The following RGS6 variants were observed in gnomAD, a reference collection of about 807,000 sequenced individuals.
RGS6 encodes the protein regulator of G protein signaling 6, also known as regulator of G-protein signaling 6.
Under a neutral mutation model 78.5 loss-of-function variants are expected in RGS6, and 30 were observed. That is an observed-to-expected ratio of 0.38 (90% confidence interval 0.29 to 0.52). The LOEUF (loss-of-function observed/expected upper bound fraction) is 0.52, where lower values mean the gene tolerates loss of function less well. Among genes scored for constraint, RGS6 ranks in the 20% least tolerant of loss-of-function variants. The pLI, the probability that RGS6 is intolerant of heterozygous loss-of-function variation, is 0.85. For synonymous variants in RGS6, 206 were observed against 206.0 expected, an observed-to-expected ratio of 1.00 and a Z score of 0.00; for missense variants, 495 against 609.7, an observed-to-expected ratio of 0.81 and a Z score of 1.98.
In RGS6 at chr14:71,953,908, G is replaced by A. The variant is rs188741510; in HGVS notation, c.-20-10864G>A. On this transcript the variant is annotated intron_variant, in intron 1 of 17. Coordinates refer to ENST00000553525, the MANE Select transcript of RGS6 (RefSeq NM_001204424.2). ...CCTCAGTTTTTGCTTGTCTGTGAAA[G>A]TCTTTATTTTTTCTCCACTTTTGAA... 1.3e-4 allele frequency among the ~76,000 whole-genome samples: 18 copies of A among 135,050 alleles called. No homozygotes were observed. The East Asian group carries it at 4.1e-3, about 31-fold the overall frequency. 88.6% of individuals were successfully genotyped at this position (135,050 alleles called of 152,430 possible). A position where few individuals can be genotyped will look rare whatever the true frequency, so the allele number is the denominator to read the frequency against.
intron 17 of RGS6, among the ~76,000 whole-genome samples, chr14:72,559,578 C>T (rs983325039): frequency 6.6e-6 from 1 of 152,146 alleles, no homozygotes; most frequent in South Asian, 2.1e-4. Flanking sequence ...TTGGTAAATG[C>T]GCGAAAGCAG....
chr14:72,134,112 T>C (rs1022952486), intron 2 of RGS6, among the ~76,000 whole-genome samples: 1 of 152,226 alleles, frequency 6.6e-6, no homozygotes, highest in Admixed American at 6.5e-5. Flanking sequence ...TCTTCATTTA[T>C]TTCTAGCCAC....
chr14:71,946,879 A>G (rs1453783416), intron 1 of RGS6, among the ~76,000 whole-genome samples: 3 of 152,212 alleles, frequency 2.0e-5, no homozygotes, highest in African/African-American at 7.2e-5. Flanking sequence ...TAATGAAAAC[A>G]AGGATAGGGG....
intron 4 of RGS6, 108 bp downstream of exon 4, chr14:72,454,686 G>A: frequency 1.3e-6 from 1 of 774,006 alleles, no homozygotes; most frequent in Non-Finnish European, 2.1e-6. Context: ...TCTTGTAAAT[G>A]TGAATTCCAA....
upstream of RGS6, among the ~76,000 whole-genome samples, chr14:71,931,797 C>CT (rs964822331): frequency 1.3e-5 from 2 of 152,188 alleles, no homozygotes; most frequent in African/African-American, 4.8e-5. Context: ...CTGTCTTCGA[C>CT]TTTTTTCTGC....
At chr14:72,466,323 G>A (rs2095910404) in intron 7 of RGS6, among the ~76,000 whole-genome samples, 1 of 152,154 alleles carries the variant, frequency 6.6e-6, no homozygotes. Flanking sequence ...AAATAGCTTG[G>A]CAGTTTCTTA....
chr14:72,098,598 GAA>G (rs2095461048), intron 2 of RGS6, among the ~76,000 whole-genome samples: 1 of 152,192 alleles, frequency 6.6e-6, no homozygotes, highest in South Asian at 2.1e-4. Flanking sequence ...GGAGATAATT[GAA>G]AGAGTTGCCA....
chr14:72,191,324 CT>C (rs11342347), intron 2 of RGS6, among the ~76,000 whole-genome samples: 23,530 of 152,204 alleles, frequency 0.15, 1,875 homozygotes, highest in South Asian at 0.2. Context: ...ATGCATGTGA[CT>C]TGAGAGGCCA....
chr14:71,867,834 TG>T, the RGS6 span, among the ~76,000 whole-genome samples: 1 of 152,002 alleles, frequency 6.6e-6, no homozygotes, highest in African/African-American at 2.4e-5. Flanking sequence ...GTGGGCTCAC[TG>T]GGGGCCATCA....
intron 15 of RGS6, among the ~76,000 whole-genome samples, chr14:72,524,749 CA>C (rs2097097681): frequency 1.3e-5 from 2 of 152,084 alleles, no homozygotes; most frequent in Non-Finnish European, 1.5e-5. Context: ...TGCCATCAGG[CA>C]GAGCTTATCT....
chr14:72,101,393 AG>A, intron 2 of RGS6, among the ~76,000 whole-genome samples: 1 of 152,350 alleles, frequency 6.6e-6, no homozygotes, highest in Non-Finnish European at 1.5e-5. Flanking sequence ...CTGTGTTCCT[AG>A]TACCAGAACT....
chr14:72,195,125 T>G (rs2039732843), intron 2 of RGS6, among the ~76,000 whole-genome samples: 1 of 152,090 alleles, frequency 6.6e-6, no homozygotes, highest in African/African-American at 2.4e-5. Context: ...GGAAAATCGC[T>G]TGAGCCCAGA....
intron 3 of RGS6, among the ~76,000 whole-genome samples, chr14:72,435,698 G>A (rs1374096894): frequency 1.3e-5 from 2 of 151,940 alleles, no homozygotes; most frequent in Non-Finnish European, 2.9e-5. Context: ...TGTCTTCAAA[G>A]CCAGCAGCTC....
intron 2 of RGS6, among the ~76,000 whole-genome samples, chr14:72,098,058 A>G (rs2095445682): frequency 6.6e-6 from 1 of 152,176 alleles, no homozygotes; most frequent in Admixed American, 6.5e-5. Context: ...ACTGGACCAT[A>G]TAAGCTTTTC....
intron 3 of RGS6, among the ~76,000 whole-genome samples, chr14:72,374,868 GT>G (rs1449288981): frequency 6.6e-6 from 1 of 152,182 alleles, no homozygotes; most frequent in African/African-American, 2.4e-5. Flanking sequence ...AGTACTGGAA[GT>G]ATGTTGAAGA....
chr14:72,050,347 TTAACCTG>T (rs1323834955), intron 2 of RGS6, among the ~76,000 whole-genome samples: 2 of 152,226 alleles, frequency 1.3e-5, no homozygotes, highest in African/African-American at 4.8e-5. Context: ...TTTTTCATAA[TTAACCTG>T]TATGCAAAGC....
intron 3 of RGS6, among the ~76,000 whole-genome samples, chr14:72,425,435 G>A (rs548801196): frequency 2.6e-5 from 4 of 152,254 alleles, no homozygotes; most frequent in Non-Finnish European, 5.9e-5. Context: ...CACCGCAGCC[G>A]GCCAGAAGGG....
chr14:72,303,614 A>G (rs1332129446), intron 2 of RGS6, among the ~76,000 whole-genome samples: 2 of 152,202 alleles, frequency 1.3e-5, no homozygotes, highest in East Asian at 3.9e-4. Context: ...TATAAATCAT[A>G]TTTATTCATG....
At chr14:72,205,140 G>C (rs965706228) in intron 2 of RGS6, among the ~76,000 whole-genome samples, 2 of 152,122 alleles carry the variant, frequency 1.3e-5, no homozygotes, top group African/African-American at 4.8e-5. Flanking sequence ...TTCCTGTAAG[G>C]AAGGAGAAGC....
Sources: allele counts gnomAD v4.1 joint callset (sites outside exome capture counted in the v4.1 genomes callset), GRCh38; gene constraint gnomAD v4.1.1; transcripts MANE v1.5; gene names NCBI Gene and HGNC (gene_info 2026-07-23, HGNC 2026-07-21).